The following MAP4K5 variants were observed in gnomAD, a reference collection of about 807,000 sequenced individuals.
MAP4K5 encodes the protein MAPK/ERK kinase kinase kinase 5.
MAP4K5 carries 82 observed loss-of-function variants against 135.6 expected under a neutral mutation model. The observed-to-expected ratio is 0.60, with a 90% CI of 0.51 to 0.73. The LOEUF (loss-of-function observed/expected upper bound fraction) is 0.73, where lower values mean the gene tolerates loss of function less well. Among genes scored for constraint, MAP4K5 ranks in the 30% least tolerant of loss-of-function variants. The pLI is 0.00. For missense variants in MAP4K5, 907 were observed against 1,010.9 expected (o/e 0.90, Z 1.39); for synonymous variants, 347 against 335.0 (o/e 1.04, Z -0.39).
At chr14:50,481,701 A>T (rs2037246889) in intron 6 of MAP4K5, among the ~76,000 whole-genome samples, 1 of 152,200 alleles carries the variant, frequency 6.6e-6, no homozygotes, top group Non-Finnish European at 1.5e-5. Flanking sequence ...ATTGGGAGAA[A>T]TACCACATAC....
At position 50,514,362 on chromosome 14, in the gene MAP4K5, C is replaced by T. The variant is rs559870268; in HGVS notation, c.109-9505G>A. Among the ~76,000 whole-genome samples, 4 of 152,228 alleles carry T rather than the reference C, an allele frequency of 2.6e-5. No individual in the cohort carries two copies. In the South Asian group the frequency reaches 8.3e-4, roughly 32 times the overall value. ...CCTCCCAAAGTGCTGGGATTACAGGCGTGAGCCACTAGTCCCGGCTGAAAC... is the reference window on the plus strand; with the variant it reads ...CCTCCCAAAGTGCTGGGATTACAGGTGTGAGCCACTAGTCCCGGCTGAAAC... On this transcript the variant is annotated intron_variant, in intron 2 of 32. Transcript: ENST00000682126.
intron 6 of MAP4K5, 69 bp downstream of exon 6, chr14:50,482,292 C>G (rs2037261302): frequency 1.1e-6 from 1 of 869,762 alleles, no homozygotes; most frequent in South Asian, 2.0e-5. Context: ...CAGGCAATTG[C>G]CTTTCTAACT....
chr14:50,520,148 A>C (rs1464033392), intron 2 of MAP4K5, among the ~76,000 whole-genome samples: 2 of 151,800 alleles, frequency 1.3e-5, no homozygotes, highest in African/African-American at 2.4e-5. Flanking sequence ...GTGGATCACG[A>C]GGTCAGGAGC....
intron 2 of MAP4K5, among the ~76,000 whole-genome samples, chr14:50,518,481 A>G (rs1238288749): frequency 6.6e-6 from 1 of 152,124 alleles, no homozygotes; most frequent in Non-Finnish European, 1.5e-5. Context: ...CTTATAAGCG[A>G]GAACATGCGG....
intron 1 of MAP4K5, among the ~76,000 whole-genome samples, chr14:50,552,198 A>G (rs1186838364): frequency 6.6e-6 from 1 of 152,188 alleles, no homozygotes; most frequent in East Asian, 1.9e-4. Context: ...AATCAGTAGC[A>G]CTGCTATATA....
At chr14:50,549,346 A>G (rs1424723584) in intron 1 of MAP4K5, among the ~76,000 whole-genome samples, 3 of 152,216 alleles carry the variant, frequency 2.0e-5, no homozygotes, top group East Asian at 1.9e-4. Flanking sequence ...TCCATCCTCT[A>G]TGCAGATATT....
At chr14:50,431,532 T>C (rs1467978726) in intron 28 of MAP4K5, among the ~76,000 whole-genome samples, 1 of 152,196 alleles carries the variant, frequency 6.6e-6, no homozygotes, top group East Asian at 1.9e-4. Flanking sequence ...GATAGTTTAC[T>C]GAGAATGATG....
chr14:50,525,875 C>A (rs907927714), intron 2 of MAP4K5, among the ~76,000 whole-genome samples: 1 of 151,990 alleles, frequency 6.6e-6, no homozygotes, highest in Non-Finnish European at 1.5e-5. Flanking sequence ...TGAAAAGGTC[C>A]AAATTCTTTG....
intron 2 of MAP4K5, among the ~76,000 whole-genome samples, chr14:50,529,220 T>TA (rs112894216): frequency 0.055 from 8,263 of 150,232 alleles, 201 homozygotes; most frequent in Middle Eastern, 0.075. Context: ...TCCTCTCTAC[T>TA]AAAAAAAAAT....
upstream of MAP4K5, among the ~76,000 whole-genome samples, chr14:50,533,893 C>T (rs529658184): frequency 6.6e-6 from 1 of 152,306 alleles, no homozygotes; most frequent in East Asian, 1.9e-4. Context: ...TTGTGCTCCA[C>T]ACACAAAGGG....
At chr14:50,494,758 G>C (rs1341129065) in intron 3 of MAP4K5, among the ~76,000 whole-genome samples, 5 of 152,074 alleles carry the variant, frequency 3.3e-5, no homozygotes, top group African/African-American at 1.2e-4. Context: ...AGAACCGACA[G>C]CCCAGAAACA....
At chr14:50,470,810 G>A (rs1418273752) in intron 9 of MAP4K5, among the ~76,000 whole-genome samples, 2 of 151,872 alleles carry the variant, frequency 1.3e-5, no homozygotes, top group African/African-American at 4.8e-5. Flanking sequence ...TTCCCTTCCT[G>A]TTGTGTATTA....
intron 1 of MAP4K5, chr14:50,559,499 T>C (rs923556531): frequency 1.2e-4 from 19 of 152,238 alleles, no homozygotes; most frequent in Admixed American, 5.9e-4. Flanking sequence ...ACCCAGACTA[T>C]GTAGTATGAT....
At chr14:50,487,997 ATATATATTAACACATATATATATAG>A in intron 3 of MAP4K5, among the ~76,000 whole-genome samples, 1 of 152,184 alleles carries the variant, frequency 6.6e-6, no homozygotes, top group Non-Finnish European at 1.5e-5. Flanking sequence ...ATATATGTGT[ATATATATTAACACATATATATATAG>A]TCCATTCTCA....
chr14:50,483,440 G>A (rs1054117756), intron 5 of MAP4K5, among the ~76,000 whole-genome samples: 4 of 152,068 alleles, frequency 2.6e-5, no homozygotes, highest in East Asian at 1.9e-4. Flanking sequence ...AATTTCTACC[G>A]CGTATTTTAA....
intron 1 of MAP4K5, among the ~76,000 whole-genome samples, chr14:50,544,241 G>A (rs1412207045): frequency 6.6e-6 from 1 of 152,180 alleles, no homozygotes; most frequent in Non-Finnish European, 1.5e-5. Flanking sequence ...ATGAGTTAAG[G>A]GTTATGGGAA....
At chr14:50,471,851 G>A (rs7161375) in intron 9 of MAP4K5, 131,185 of 152,192 alleles carry the variant, frequency 0.86, 58,299 homozygotes, top group Non-Finnish European at 0.96. Context: ...AAAGTCTTCC[G>A]TCATTTCTGC....
rs936477267 is a variant in MAP4K5, at chr14:50,517,545, A to G, written c.109-12688T>C. 4.3e-4 allele frequency among the ~76,000 whole-genome samples: 65 copies of G among 151,978 alleles called. 2 individuals carry two copies. Among genetic ancestry groups the G allele is most frequent in the Non-Finnish European group, 1.5e-5 (1 of 67,996 alleles). ...CACTTTGGGAGGCCGAGGTGGGTGG[A>G]TAACTTGAGGTCGGGAGTTCAAGAC... On this transcript the variant is annotated intron_variant, in intron 2 of 32. Coordinates refer to ENST00000682126, the MANE Select transcript of MAP4K5 (RefSeq NM_006575.6).
intron 1 of MAP4K5, among the ~76,000 whole-genome samples, chr14:50,545,098 C>T (rs2038614367): frequency 6.6e-6 from 1 of 152,120 alleles, no homozygotes; most frequent in African/African-American, 2.4e-5. Context: ...AGAACCCAAA[C>T]ATCATGGAGA....
Sources: gnomAD v4.1 joint callset for allele counts (sites outside exome capture counted in the v4.1 genomes callset) on GRCh38, gnomAD v4.1.1 for gene constraint, MANE v1.5 for transcripts, NCBI Gene and HGNC (gene_info 2026-07-23, HGNC 2026-07-21) for gene names.